The following SYTL5 variants were observed in gnomAD, a reference collection of about 807,000 sequenced individuals.
The protein encoded by SYTL5 is synaptotagmin like 5, also known as synaptotagmin-like protein 5.
Under a neutral mutation model 55.9 loss-of-function variants are expected in SYTL5, and 34 were observed. The ratio of observed to expected loss-of-function variants is 0.61; its 90% CI spans 0.46 to 0.81. The LOEUF is 0.81. Ranked by LOEUF, SYTL5 falls within the 30% of genes least tolerant of loss-of-function variation. The pLI, the probability that SYTL5 is intolerant of heterozygous loss-of-function variation, is 0.00. For missense variants in SYTL5, 637 were observed against 546.7 expected (o/e 1.17, Z -1.65); for synonymous variants, 221 against 188.7 (o/e 1.17, Z -1.40).
chrX:37,940,438 G>A, the SYTL5 span, among the ~76,000 whole-genome samples: 12 of 100,641 alleles, frequency 1.2e-4, no homozygotes, highest in Non-Finnish European at 2.0e-4. Context: ...CCGAGATCGC[G>A]CCACTGCACT....
intron 3 of SYTL5, among the ~76,000 whole-genome samples, chrX:38,067,340 G>A (rs975607497): frequency 5.2e-4 from 55 of 106,433 alleles, no homozygotes; most frequent in African/African-American, 1.9e-3. Context: ...TGAAACTGCT[G>A]TCAGTATGCT....
rs1228001059 is a variant in SYTL5 at position 38,128,377 on chromosome X, T to G, written c.*1647T>G. ...AAATTTGGAGCAGAGTCTGATTACT[T>G]GAGCATGAACATACCCGACCAAGGT... is the stretch of plus-strand genomic sequence containing the variant. On this transcript the variant is annotated 3_prime_UTR_variant, in exon 17 of 17. Transcript: ENST00000297875. 9.0e-6 allele frequency: 1 copy of G among 111,665 alleles called. No individual in the cohort carries two copies. Among genetic ancestry groups the G allele is most frequent in the East Asian group, 2.8e-4 (1 of 3,559 alleles). The allele number at this position is 111,665 out of a possible 1,213,427, so 9.2% of individuals were successfully genotyped here. A position where few individuals can be genotyped will look rare whatever the true frequency, so the allele number is the denominator to read the frequency against.
intron 2 of SYTL5, among the ~76,000 whole-genome samples, chrX:38,043,688 T>TATATATAC (rs1210450618): frequency 4.6e-5 from 3 of 64,936 alleles, no homozygotes; most frequent in African/African-American, 2.5e-4. Flanking sequence ...TATATATATA[T>TATATATAC]ATACATATAT....
chrX:37,899,920 AAAC>A, the SYTL5 span, among the ~76,000 whole-genome samples: 1,518 of 112,311 alleles, frequency 0.014, 24 homozygotes, highest in African/African-American at 0.046. Flanking sequence ...AATTTAAAAA[AAAC>A]AAGCAACACT....
intron 2 of SYTL5, among the ~76,000 whole-genome samples, chrX:38,049,808 T>A (rs777335146): frequency 1.8e-5 from 2 of 112,543 alleles, no homozygotes; most frequent in South Asian, 7.4e-4. Flanking sequence ...ATAATTATTA[T>A]GTGTCAAGCT....
chrX:37,891,671 G>A, the SYTL5 span, among the ~76,000 whole-genome samples: 4 of 111,236 alleles, frequency 3.6e-5, no homozygotes, highest in East Asian at 1.1e-3. Flanking sequence ...ACATACGTGT[G>A]TGTGTGTATG....
At chrX:38,107,301 G>A (rs960098582) in intron 11 of SYTL5, among the ~76,000 whole-genome samples, 1 of 111,668 alleles carries the variant, frequency 9.0e-6, no homozygotes, top group East Asian at 2.8e-4. Flanking sequence ...GACTCTGCAC[G>A]CAGTTATAAT....
At chrX:37,903,817 T>A in the SYTL5 span, among the ~76,000 whole-genome samples, 1 of 111,838 alleles carries the variant, frequency 8.9e-6, no homozygotes. Context: ...TCAATTGCCG[T>A]CTTCTGGTAA....
At chrX:38,011,716 T>C (rs1934197261) in intron 1 of SYTL5, among the ~76,000 whole-genome samples, 1 of 111,596 alleles carries the variant, frequency 9.0e-6, no homozygotes, top group Admixed American at 9.5e-5. Context: ...CTGCTGCTGC[T>C]GCCCGTGGGG....
the SYTL5 span, among the ~76,000 whole-genome samples, chrX:37,921,758 A>G: frequency 8.9e-6 from 1 of 112,014 alleles, no homozygotes; most frequent in East Asian, 2.8e-4. Flanking sequence ...CTTACAACAA[A>G]GCACAGTGTA....
At chrX:37,936,910 C>T in the SYTL5 span, among the ~76,000 whole-genome samples, 8 of 107,963 alleles carry the variant, frequency 7.4e-5, no homozygotes, top group Admixed American at 9.9e-5. Context: ...ATTAGCTGGG[C>T]GTAGTGGCAA....
At chrX:37,900,179 C>T in the SYTL5 span, among the ~76,000 whole-genome samples, 1 of 111,863 alleles carries the variant, frequency 8.9e-6, no homozygotes, top group African/African-American at 3.2e-5. Flanking sequence ...TATTTACTGT[C>T]CCATTCATAA....
At chrX:37,947,125 G>A in the SYTL5 span, among the ~76,000 whole-genome samples, 1 of 110,394 alleles carries the variant, frequency 9.1e-6, no homozygotes, top group East Asian at 2.9e-4. Context: ...ACTTCTGAGG[G>A]GCCAAATTGA....
intron 1 of SYTL5, among the ~76,000 whole-genome samples, chrX:38,011,648 G>A (rs866394709): frequency 2.5e-5 from 2 of 79,927 alleles, no homozygotes; most frequent in Non-Finnish European, 5.0e-5. Context: ...AAAAAAAAAA[G>A]AGAGTATATT....
At chrX:37,913,993 C>T in the SYTL5 span, among the ~76,000 whole-genome samples, 1 of 111,954 alleles carries the variant, frequency 8.9e-6, no homozygotes, top group Non-Finnish European at 1.9e-5. Context: ...TTAGCACTTG[C>T]TGACATTTTT....
intron 1 of SYTL5, among the ~76,000 whole-genome samples, chrX:38,018,821 T>C (rs1242185173): frequency 1.8e-5 from 2 of 111,562 alleles, no homozygotes; most frequent in East Asian, 5.6e-4. Flanking sequence ...TCACTGGATC[T>C]TATTGAGATT....
the SYTL5 span, among the ~76,000 whole-genome samples, chrX:37,912,199 A>T: frequency 9.0e-6 from 1 of 111,623 alleles, no homozygotes; most frequent in African/African-American, 3.3e-5. Context: ...TTCTTGGTGA[A>T]TTTTTCCAGT....
chrX:38,037,095 T>C (rs1319190121), intron 2 of SYTL5, among the ~76,000 whole-genome samples: 7 of 111,389 alleles, frequency 6.3e-5, no homozygotes, highest in Non-Finnish European at 1.3e-4. Flanking sequence ...GTGACTGGAG[T>C]TTCCCATAGG....
At chrX:38,090,763 A>G (rs1936783115) in intron 7 of SYTL5, among the ~76,000 whole-genome samples, 1 of 112,740 alleles carries the variant, frequency 8.9e-6, no homozygotes, top group Non-Finnish European at 1.9e-5. Context: ...AGGTACATGC[A>G]GGGAAGGCTG....
Sources: gnomAD v4.1 joint callset for allele counts (sites outside exome capture counted in the v4.1 genomes callset) on GRCh38, gnomAD v4.1.1 for gene constraint, MANE v1.5 for transcripts, NCBI Gene and HGNC (gene_info 2026-07-23, HGNC 2026-07-21) for gene names.